PSTPIP2: variants seen among roughly 807,000 people sequenced by gnomAD.
PSTPIP2 encodes the protein proline-serine-threonine phosphatase interacting protein 2.
In PSTPIP2, 33 loss-of-function variants were observed where a neutral mutation model predicts 63.3. That is an observed-to-expected ratio of 0.52 (90% confidence interval 0.40 to 0.70). The LOEUF (loss-of-function observed/expected upper bound fraction) is 0.70. PSTPIP2 is among the 30% of genes least tolerant of loss of function. The probability of loss-of-function intolerance (pLI) is 0.00; values close to 1 mark genes in which losing one functional copy is unlikely to be tolerated. For synonymous variants in PSTPIP2, 125 were observed against 132.7 expected (o/e 0.94, Z 0.40); for missense variants, 312 against 400.7 (o/e 0.78, Z 1.89).
intron 1 of PSTPIP2, among the ~76,000 whole-genome samples, chr18:46,067,261 G>C (rs1217670893): frequency 6.6e-6 from 1 of 152,020 alleles, no homozygotes; most frequent in Non-Finnish European, 1.5e-5. Context: ...CCAGCACTTT[G>C]GGAGGCCGAG....
At position 46,009,283 on chromosome 18, in the gene PSTPIP2, T is replaced by C. The variant is rs998756370; in HGVS notation, c.354+1898A>G. Among the ~76,000 whole-genome samples the C allele has an allele frequency of 4.3e-5, 6 of 139,776 alleles. No homozygotes were observed. The East Asian group carries it at 1.2e-3, about 29-fold the overall frequency. The allele number at this position is 139,776 out of a possible 152,430, so 91.7% of individuals were successfully genotyped here. On this transcript the variant is annotated intron_variant, in intron 5 of 14. Transcript: ENST00000409746. Reference sequence around the variant, plus strand: ...TGGAAATGGCTTAATTTCCAAGAAGTGAAAGACCAAAGCGTGTGTCTGACC... The same window carrying C: ...TGGAAATGGCTTAATTTCCAAGAAGCGAAAGACCAAAGCGTGTGTCTGACC...
chr18:46,012,644 G>A (rs866825808), intron 4 of PSTPIP2, among the ~76,000 whole-genome samples: 1 of 152,100 alleles, frequency 6.6e-6, no homozygotes, highest in Non-Finnish European at 1.5e-5. Flanking sequence ...ATGGTGGTGG[G>A]CACCTGTAGT....
At chr18:46,055,571 G>A (rs986451047) in intron 1 of PSTPIP2, among the ~76,000 whole-genome samples, 2 of 152,052 alleles carry the variant, frequency 1.3e-5, no homozygotes, top group African/African-American at 4.8e-5. Flanking sequence ...TGCCTGCCTC[G>A]GCCTCCCAAA....
chr18:46,039,214 C>A (rs1908096162), intron 2 of PSTPIP2, among the ~76,000 whole-genome samples: 1 of 152,240 alleles, frequency 6.6e-6, no homozygotes, highest in Non-Finnish European at 1.5e-5. Flanking sequence ...TATTCTAGAT[C>A]AATAAGTTTC....
At chr18:46,042,810 A>C (rs1432852813) in intron 1 of PSTPIP2, among the ~76,000 whole-genome samples, 1 of 151,870 alleles carries the variant, frequency 6.6e-6, no homozygotes, top group Non-Finnish European at 1.5e-5. Context: ...TCCTATTCTT[A>C]TTTTTGTCAG....
At chr18:46,061,246 C>T (rs1908982427) in intron 1 of PSTPIP2, among the ~76,000 whole-genome samples, 1 of 150,848 alleles carries the variant, frequency 6.6e-6, no homozygotes, top group African/African-American at 2.4e-5. Context: ...GGAGGTTGCA[C>T]TGAGCCAAGA....
At chr18:46,059,018 CTTTTTTTTT>C (rs1908884929) in intron 1 of PSTPIP2, among the ~76,000 whole-genome samples, 1 of 147,506 alleles carries the variant, frequency 6.8e-6, no homozygotes, top group Non-Finnish European at 1.5e-5. Context: ...CCTCTTAATT[CTTTTTTTTT>C]CTTTTTTTCT....
chr18:46,003,579 T>A (rs1034406964), intron 6 of PSTPIP2, among the ~76,000 whole-genome samples: 12 of 151,980 alleles, frequency 7.9e-5, no homozygotes, highest in Non-Finnish European at 1.2e-4. Context: ...TTTTATTTAT[T>A]TTTTTTATTT....
At chr18:46,017,354 G>A (rs1008972416) in intron 3 of PSTPIP2, among the ~76,000 whole-genome samples, 1 of 152,090 alleles carries the variant, frequency 6.6e-6, no homozygotes, top group Non-Finnish European at 1.5e-5. Context: ...TACTCAGTTT[G>A]ACTATTCTTG....
intron 2 of PSTPIP2, among the ~76,000 whole-genome samples, chr18:46,026,651 G>A (rs532140584): frequency 1.5e-4 from 23 of 152,302 alleles, no homozygotes; most frequent in Admixed American, 7.8e-4. Context: ...CAAGACGGGA[G>A]TATTGCTTGA....
At chr18:46,047,690 CA>C (rs66605539) in intron 1 of PSTPIP2, among the ~76,000 whole-genome samples, 27 of 146,070 alleles carry the variant, frequency 1.8e-4, no homozygotes, top group African/African-American at 5.5e-4. Context: ...AATTCCATCT[CA>C]AAAAAAAAAG....
At chr18:45,989,125 G>GT (rs1030953361) in intron 13 of PSTPIP2, among the ~76,000 whole-genome samples, 4 of 152,010 alleles carry the variant, frequency 2.6e-5, no homozygotes, top group African/African-American at 7.3e-5. Context: ...AGCCACTACA[G>GT]TTTTTTTTCC....
At chr18:45,988,435 G>GGAAAAAAAAAAAA (rs2051489214) in intron 14 of PSTPIP2, among the ~76,000 whole-genome samples, 3 of 128,572 alleles carry the variant, frequency 2.3e-5, no homozygotes, top group African/African-American at 6.8e-5. Flanking sequence ...ACTCTGCTTC[G>GGAAAAAAAAAAAA]AAAAAAAAAA....
intron 9 of PSTPIP2, among the ~76,000 whole-genome samples, chr18:45,995,393 G>T (rs574768972): frequency 5.9e-5 from 9 of 152,078 alleles, no homozygotes; most frequent in South Asian, 4.2e-4. Context: ...GTGAGCCACC[G>T]CACCTGGCCT....
chr18:46,072,040 G>C (rs1909412864), intron 1 of PSTPIP2, 116 bp downstream of exon 1: 1 of 1,306,800 alleles, frequency 7.7e-7, no homozygotes, highest in Non-Finnish European at 1.0e-6. Context: ...CCAAGCCCCC[G>C]GGCGCGCGGT....
intron 2 of PSTPIP2, among the ~76,000 whole-genome samples, chr18:46,036,720 G>A (rs1315288484): frequency 2.0e-5 from 3 of 152,166 alleles, no homozygotes; most frequent in Non-Finnish European, 2.9e-5. Context: ...TCCTAGTTTC[G>A]GTAATGGAGG....
chr18:46,035,281 G>A, intron 2 of PSTPIP2, among the ~76,000 whole-genome samples: 1 of 151,892 alleles, frequency 6.6e-6, no homozygotes, highest in Non-Finnish European at 1.5e-5. Flanking sequence ...ATTAGCTGGG[G>A]TGGTGGTACA....
intron 10 of PSTPIP2, 53 bp downstream of exon 10, chr18:45,993,525 CCAATCAATATCTATAGTTCCTTCTACT>C: frequency 7.3e-7 from 1 of 1,375,560 alleles, no homozygotes; most frequent in African/African-American, 1.4e-5. Context: ...GCAAAGTGAA[CCAATCAATATCTATAGTTCCTTCTACT>C]CTAATGTATC....
chr18:45,998,567 T>C (rs757105474), intron 8 of PSTPIP2, among the ~76,000 whole-genome samples: 8 of 151,454 alleles, frequency 5.3e-5, no homozygotes, highest in Non-Finnish European at 1.0e-4. Flanking sequence ...CCTTCCGGGG[T>C]TCTAATATAC....
Sources: gnomAD v4.1 joint callset for allele counts (sites outside exome capture counted in the v4.1 genomes callset) on GRCh38, gnomAD v4.1.1 for gene constraint, MANE v1.5 for transcripts, NCBI Gene and HGNC (gene_info 2026-07-23, HGNC 2026-07-21) for gene names.